Variants in NR2E3 observed in about 807,000 individuals in gnomAD.
NR2E3 encodes the protein nuclear receptor subfamily 2 group E member 3.
In NR2E3, 38 loss-of-function variants were observed where a neutral mutation model predicts 37.6. That is an observed-to-expected ratio of 1.01 (90% CI 0.78 to 1.33). NR2E3 has a LOEUF of 1.33. Among genes scored for constraint, NR2E3 ranks in the 40% most tolerant of loss-of-function variants. The probability of loss-of-function intolerance (pLI) is 0.00; values close to 1 mark genes in which losing one functional copy is unlikely to be tolerated. For synonymous variants in NR2E3, 235 were observed against 225.1 expected, an observed-to-expected ratio of 1.04 and a Z score of -0.39; for missense variants, 562 against 558.7, an observed-to-expected ratio of 1.01 and a Z score of -0.06.
chr15:71,814,124 T>A lies in NR2E3; in HGVS notation c.1100+7T>A, dbSNP rs2054209473. The A allele has an allele frequency of 6.2e-7, 1 of 1,608,072 alleles. No individual in the cohort carries two copies. Among genetic ancestry groups the A allele is most frequent in the South Asian group, 1.1e-5 (1 of 90,444 alleles). On this transcript the variant is annotated splice_region_variant and intron_variant, in intron 7 of 7. Transcript: ENST00000617575. ...ACCCCAGCCAGCCCGTGAGGTGACC[T>A]GAGCATGCGCCCACCCACTCATCTG...
chr15:71,810,593 T>C lies in NR2E3; in HGVS notation c.-151T>C, dbSNP rs2054169972. On this transcript the variant is annotated 5_prime_UTR_variant, in exon 1 of 8. Transcript: ENST00000617575. Reference sequence around the variant, plus strand: ...GCCAGAGCCTGTGCTGTGAGGGGCTTCGGGACCTTGGGGCAGCTCCTGAGT... The same window carrying C: ...GCCAGAGCCTGTGCTGTGAGGGGCTCCGGGACCTTGGGGCAGCTCCTGAGT... The C allele has an allele frequency of 8.3e-7, 1 of 1,211,108 alleles. No individual in the cohort carries two copies. 75.0% of individuals were successfully genotyped at this position (1,211,108 alleles called of 1,614,324 possible). A position where few individuals can be genotyped will look rare whatever the true frequency, so the allele number is the denominator to read the frequency against.
rs1220579814 is a variant in NR2E3 at position 71,817,816 on chromosome 15, G to T, written c.*132G>T. On this transcript the variant is annotated 3_prime_UTR_variant, in exon 8 of 8. Coordinates refer to ENST00000617575, the MANE Select transcript of NR2E3 (RefSeq NM_014249.4). Reference sequence around the variant, plus strand: ...GCAGAAATGCCCACCGAAAGATATTGTAAGAATATTCATAGCAGCTTTATT... The same window carrying T: ...GCAGAAATGCCCACCGAAAGATATTTTAAGAATATTCATAGCAGCTTTATT... 2 of 717,996 alleles carry T rather than the reference G, an allele frequency of 2.8e-6. No individual in the cohort carries two copies. The highest frequency in any genetic ancestry group is 5.5e-5 in the East Asian group (2 of 36,390). 44.5% of individuals were successfully genotyped at this position (717,996 alleles called of 1,614,324 possible).
At position 71,814,072 on chromosome 15, in the gene NR2E3, T is replaced by G; in HGVS notation, c.1055T>G (p.Met352Arg). ...VEALQDQSQV[M>R]LSQHSKAHHP... ...GCCTTGCAGGACCAGTCCCAAGTGA[T>G]GCTGAGCCAGCACAGCAAGGCCCAC... is the stretch of plus-strand genomic sequence containing the variant. Residue 352 changes from methionine to arginine, a missense_variant, in exon 7 of 8, where the codon ATG (methionine) becomes AGG (arginine). Transcript: ENST00000617575. 1 of 1,612,832 alleles carries G rather than the reference T, an allele frequency of 6.2e-7. No homozygotes were observed. The highest frequency in any genetic ancestry group is 8.5e-7 in the Non-Finnish European group (1 of 1,179,794).
In NR2E3 at chr15:71,812,059, C is replaced by G. The variant is rs1261697277; in HGVS notation, c.454C>G (p.Pro152Ala). Residue 152 changes from proline to alanine, a missense_variant, in exon 4 of 8, where the codon CCG (proline) becomes GCG (alanine). Coordinates refer to ENST00000617575, the MANE Select transcript of NR2E3 (RefSeq NM_014249.4). ...RPESLVAPPA[P>A]AGRSPRGPTP... Reference sequence around the variant, plus strand: ...GGAGTCCCTGGTGGCTCCCCCGGCCCCGGCAGGGCGCAGCCCACGGGGCCC... The same window carrying G: ...GGAGTCCCTGGTGGCTCCCCCGGCCGCGGCAGGGCGCAGCCCACGGGGCCC... 1.3e-6 allele frequency: 2 copies of G among 1,553,042 alleles called. No homozygotes were observed. Among genetic ancestry groups the G allele is most frequent in the Non-Finnish European group, 1.7e-6 (2 of 1,148,502 alleles).
rs200402349 is a variant in NR2E3, at chr15:71,814,040, C to T, written c.1023C>T (p.His341=). ...PETRGLKDPE[H]VEALQDQSQV... ...CGCGGGGCCTGAAGGATCCTGAGCA[C>T]GTAGAGGCCTTGCAGGACCAGTCCC... The change falls in exon 7 of 8, where the codon CAC becomes CAT. Residue 341 remains histidine (H), a synonymous_variant. Coordinates refer to ENST00000617575, the MANE Select transcript of NR2E3 (RefSeq NM_014249.4). The T allele has an allele frequency of 1.8e-5, 29 of 1,612,724 alleles. No homozygotes were observed. In the Middle Eastern group the frequency reaches 4.9e-4, roughly 28 times the overall value.
Position 71,813,640 on chromosome 15 carries a change from C to CT in NR2E3, c.994+6dup, listed in dbSNP as rs1439827928. ...CCTTGGTCCTCTTCAAGCCAGGTAACTGAGTCTCTGCCCAAACCTTGAGTG... is the reference window on the plus strand; with the variant it reads ...CCTTGGTCCTCTTCAAGCCAGGTAACTTGAGTCTCTGCCCAAACCTTGAGTG... On this transcript the variant is annotated splice_donor_region_variant and intron_variant, in intron 6 of 7. Transcript: ENST00000617575. This position sits in a 1 kb window ranked among gnomAD's most constrained non-coding sequence, Gnocchi z 4.7. The CT allele has an allele frequency of 6.2e-7, 1 of 1,613,486 alleles. No homozygotes were observed. Among genetic ancestry groups the CT allele is most frequent in the South Asian group, 1.1e-5 (1 of 91,086 alleles).
Position 71,813,411 on chromosome 15 carries a change from G to A in NR2E3, c.770G>A (p.Trp257Ter), listed in dbSNP as rs370823298. Residue 257 changes from tryptophan to a stop codon, truncating the protein, a stop_gained, in exon 6 of 8, where the codon TGG becomes TAG. Coordinates refer to ENST00000617575, the MANE Select transcript of NR2E3 (RefSeq NM_014249.4). LOFTEE classifies it high-confidence loss of function. The surrounding 1 kb of genome is among the most constrained non-coding windows in gnomAD (Gnocchi z 4.7). ...CAGGTGATCCTGCTGGAAGAGGCGTGGAGTGAACTCTTTCTCCTCGGGGCC... is the reference window on the plus strand; with the variant it reads ...CAGGTGATCCTGCTGGAAGAGGCGTAGAGTGAACTCTTTCTCCTCGGGGCC... ...RDQVILLEEA[W>*]SELFLLGAIQ... 6.2e-7 allele frequency: 1 copy of A among 1,611,722 alleles called. No individual in the cohort carries two copies. The highest frequency in any genetic ancestry group is 1.1e-5 in the South Asian group (1 of 90,372).
intron 7 of NR2E3, among the ~76,000 whole-genome samples, chr15:71,816,809 C>A (rs1012600107): frequency 2.6e-5 from 4 of 151,976 alleles, no homozygotes; most frequent in African/African-American, 9.7e-5. Context: ...GATGGGGTTA[C>A]ATCTGGATAA....
Position 71,813,935 on chromosome 15 carries a change from C to T in NR2E3, c.995-77C>T. 3 of 1,554,264 alleles carry T rather than the reference C, an allele frequency of 1.9e-6. No individual in the cohort carries two copies. The highest frequency in any genetic ancestry group is 1.7e-4 in the Middle Eastern group (1 of 5,978). On this transcript the variant is annotated intron_variant, in intron 6 of 7. Coordinates refer to ENST00000617575, the MANE Select transcript of NR2E3 (RefSeq NM_014249.4). The surrounding 1 kb of genome is among the most constrained non-coding windows in gnomAD (Gnocchi z 4.7). ...CCAGGTCCATGTCTGCAGCCAGAAC[C>T]CTGGGCCACCACTTCATGGCCAGCC...
intron 7 of NR2E3, chr15:71,814,318 C>T: frequency 7.3e-7 from 1 of 1,369,954 alleles, no homozygotes; most frequent in Non-Finnish European, 9.4e-7. Flanking sequence ...AAAGCTACTG[C>T]CTTCTAGAGA....
At position 71,811,676 on chromosome 15, in the gene NR2E3, G is replaced by A. The variant is rs1474662052; in HGVS notation, c.245+67G>A. On this transcript the variant is annotated intron_variant, in intron 2 of 7. Transcript: ENST00000617575. The surrounding 1 kb of genome is among the most constrained non-coding windows in gnomAD (Gnocchi z 5.6). Reference sequence around the variant, plus strand: ...TTCTGGAGGGGTGAGGGGGTGCTCAGGGGAAGAGGGGCTTGGGCAAAAATG... The same window carrying A: ...TTCTGGAGGGGTGAGGGGGTGCTCAAGGGAAGAGGGGCTTGGGCAAAAATG... 2 of 1,565,110 alleles carry A rather than the reference G, an allele frequency of 1.3e-6. No homozygotes were observed. Among genetic ancestry groups the A allele is most frequent in the African/African-American group, 1.4e-5 (1 of 73,714 alleles).
intron 7 of NR2E3, chr15:71,814,663 T>C: frequency 1.0e-6 from 1 of 982,958 alleles, no homozygotes; most frequent in African/African-American, 1.7e-5. Flanking sequence ...AAAGGCCACG[T>C]CTGACTTGGG....
At chr15:71,816,075 G>C (rs2054223757) in intron 7 of NR2E3, among the ~76,000 whole-genome samples, 1 of 152,012 alleles carries the variant, frequency 6.6e-6, no homozygotes, top group African/African-American at 2.4e-5. Context: ...TGAGTGGTGG[G>C]GAAGTCTTCC....
At chr15:71,812,241 C>A in intron 4 of NR2E3, 65 bp downstream of exon 4, 4 of 1,605,254 alleles carry the variant, frequency 2.5e-6, no homozygotes, top group Non-Finnish European at 3.4e-6. Context: ...AGGGCTGCAG[C>A]GCCTTGCCTT....
At chr15:71,815,553 C>G (rs1447074248) in intron 7 of NR2E3, among the ~76,000 whole-genome samples, 2 of 152,140 alleles carry the variant, frequency 1.3e-5, no homozygotes, top group Non-Finnish European at 2.9e-5. Context: ...GGTTATGCGT[C>G]AAATTTCAAA....
At chr15:71,812,291 C>A (rs768445090) in intron 4 of NR2E3, 45 bp from the exon 5 acceptor site, 3 of 1,613,152 alleles carry the variant, frequency 1.9e-6, no homozygotes, top group Non-Finnish European at 2.5e-6. Context: ...TCCCTGCCAC[C>A]TCCCGAGAAG....
In NR2E3 at chr15:71,813,433, G is replaced by A. The variant is rs1379629023; in HGVS notation, c.792G>A (p.Gly264=). 2 of 1,610,762 alleles carry A rather than the reference G, an allele frequency of 1.2e-6. No individual in the cohort carries two copies. The highest frequency in any genetic ancestry group is 1.7e-5 in the Admixed American group (1 of 59,566). ...CGTGGAGTGAACTCTTTCTCCTCGG[G>A]GCCATCCAGTGGTCTCTGCCTCTGG... The part of the protein sequence containing the change: ...EEAWSELFLL[G]AIQWSLPLDS... Residue 264 remains glycine, a synonymous_variant, in exon 6 of 8, where the codon GGG becomes GGA. Transcript: ENST00000617575. This position sits in a 1 kb window ranked among gnomAD's most constrained non-coding sequence, Gnocchi z 4.7.
chr15:71,810,893 T>C (rs1658897716), intron 1 of NR2E3, 32 bp downstream of exon 1: 6 of 1,522,902 alleles, frequency 3.9e-6, no homozygotes, highest in Non-Finnish European at 5.3e-6. Context: ...GGGTTGGGTC[T>C]GGGCCCTTGG....
intron 7 of NR2E3, among the ~76,000 whole-genome samples, chr15:71,817,017 CCTAAA>C (rs1322661474): frequency 2.0e-5 from 3 of 152,038 alleles, no homozygotes; most frequent in South Asian, 2.1e-4. Context: ...TCATTGCACT[CCTAAA>C]CTAAATAGAG....
Sources: gnomAD v4.1 joint callset for allele counts (sites outside exome capture counted in the v4.1 genomes callset) on GRCh38, gnomAD v4.1.1 for gene constraint, Gnocchi (gnomAD v3.1) non-coding constraint, MANE v1.5 for transcripts, NCBI Gene and HGNC (gene_info 2026-07-23, HGNC 2026-07-21) for gene names.